The following NDE1 variants were observed in gnomAD, a reference collection of about 807,000 sequenced individuals.
The protein encoded by NDE1 is nudE neurodevelopment protein 1.
A neutral mutation model predicts 43.4 loss-of-function variants in NDE1; 28 were observed. The ratio of observed to expected loss-of-function variants is 0.65; its 90% CI spans 0.48 to 0.89. The LOEUF is 0.89. Among genes scored for constraint, NDE1 ranks in the 40% least tolerant of loss-of-function variants. The pLI is 0.00. For synonymous variants in NDE1, 184 were observed against 172.0 expected, an observed-to-expected ratio of 1.07 and a Z score of -0.55; for missense variants, 441 against 434.1, an observed-to-expected ratio of 1.02 and a Z score of -0.14.
At position 15,689,703 on chromosome 16, in the gene NDE1, G is replaced by T. The variant is rs191558227; in HGVS notation, c.524-1441G>T. Among the ~76,000 whole-genome samples the T allele has an allele frequency of 1.2e-3, 186 of 152,258 alleles. 1 individual carries two copies. The highest frequency in any genetic ancestry group is 3.9e-3 in the South Asian group (19 of 4,826). On this transcript the variant is annotated intron_variant, in intron 5 of 8. Coordinates refer to ENST00000396354, the MANE Select transcript of NDE1 (RefSeq NM_017668.3). Reference sequence around the variant, plus strand: ...GCCTGTATTCCCAGCACTTTGGGAGGCCAAGGTGGGTGGATCACCTGAGGT... The same window carrying T: ...GCCTGTATTCCCAGCACTTTGGGAGTCCAAGGTGGGTGGATCACCTGAGGT...
At chr16:15,676,666 C>T (rs983564117) in intron 3 of NDE1, among the ~76,000 whole-genome samples, 14 of 151,660 alleles carry the variant, frequency 9.2e-5, no homozygotes, top group African/African-American at 2.2e-4. Flanking sequence ...CAACGGACGT[C>T]ATTATGATTT....
rs556129960 is a variant in NDE1, at chr16:15,657,658, G to A, written c.-43-7078G>A. 3.3e-5 allele frequency among the ~76,000 whole-genome samples: 5 copies of A among 152,242 alleles called. No homozygotes were observed. The East Asian group carries it at 9.7e-4, about 29-fold the overall frequency. On this transcript the variant is annotated intron_variant, in intron 1 of 8. Coordinates refer to ENST00000396354, the MANE Select transcript of NDE1 (RefSeq NM_017668.3). ...CCAGGCTGGGAGGCTGGAATGCAGT[G>A]ATCTTGGCTCACTGCAGCCTCCGCT...
Position 15,721,370 on chromosome 16 carries a change from A to G in NDE1, c.948-2821A>G, listed in dbSNP as rs373866314. 6.5e-5 allele frequency: 103 copies of G among 1,576,900 alleles called. No homozygotes were observed. The African/African-American group carries it at 1.3e-3, about 20-fold the overall frequency. The stretch of plus-strand genomic sequence containing the variant: ...CCTCGCATGGACTGGTGAATAGCAC[A>G]GAGGGTGGGCAGGCGAAACATGGAC... On this transcript the variant is annotated intron_variant, in intron 8 of 8. Transcript: ENST00000396354.
chr16:15,657,777 T>G (rs1018969781), intron 1 of NDE1, among the ~76,000 whole-genome samples: 1 of 151,956 alleles, frequency 6.6e-6, no homozygotes. Flanking sequence ...TGTTTTTGTT[T>G]TTTTAGTAGA....
intron 3 of NDE1, among the ~76,000 whole-genome samples, chr16:15,668,056 T>A (rs2037407338): frequency 6.6e-6 from 1 of 151,698 alleles, no homozygotes. Context: ...CCTGGACGTC[T>A]CAGGTTTAAG....
chr16:15,712,132 GGA>G (rs1322524338), intron 8 of NDE1, among the ~76,000 whole-genome samples: 1 of 152,208 alleles, frequency 6.6e-6, no homozygotes, highest in African/African-American at 2.4e-5. Flanking sequence ...CTGCTGAGCT[GGA>G]GAGAGGAGCC....
chr16:15,653,006 T>C (rs1044279444), intron 1 of NDE1, among the ~76,000 whole-genome samples: 4 of 152,138 alleles, frequency 2.6e-5, no homozygotes, highest in African/African-American at 9.7e-5. Flanking sequence ...TTACTGTATA[T>C]ATGTGTATGT....
At chr16:15,681,769 G>C (rs2151083995) in intron 4 of NDE1, among the ~76,000 whole-genome samples, 1 of 152,286 alleles carries the variant, frequency 6.6e-6, no homozygotes, top group Admixed American at 6.5e-5. Flanking sequence ...CTGGAGTGCA[G>C]GTGCAGGATC....
chr16:15,684,210 A>C (rs928732785), intron 4 of NDE1: 2 of 152,054 alleles, frequency 1.3e-5, no homozygotes, highest in Non-Finnish European at 2.9e-5. Flanking sequence ...CAGCCTGGGC[A>C]ACAGAGTGAG....
rs752996609 is a variant in NDE1 at position 15,718,341 on chromosome 16, C to T, written c.948-5850C>T. On this transcript the variant is annotated intron_variant, in intron 8 of 8. Transcript: ENST00000396354. ...TGCTGTGTGGCTTTGCGGACCCGGT[C>T]GCTCATGGCCTCCATGTTGCCCTGC... 4.4e-5 allele frequency: 70 copies of T among 1,608,918 alleles called. No individual in the cohort carries two copies. In the African/African-American group the frequency reaches 5.1e-4, roughly 12 times the overall value.
intron 8 of NDE1, chr16:15,703,741 A>G: frequency 3.9e-6 from 2 of 516,508 alleles, no homozygotes; most frequent in Non-Finnish European, 3.5e-6. Context: ...GGTGTGTACC[A>G]CCACGCCCAG....
intron 6 of NDE1, 71 bp downstream of exon 6, chr16:15,691,394 C>T: frequency 6.5e-7 from 1 of 1,527,100 alleles, no homozygotes; most frequent in Non-Finnish European, 8.9e-7. Context: ...TGGGGTGGGT[C>T]CTGGGGGTGT....
intron 3 of NDE1, among the ~76,000 whole-genome samples, chr16:15,673,570 T>C (rs1177428918): frequency 1.3e-5 from 2 of 151,584 alleles, no homozygotes; most frequent in African/African-American, 4.9e-5. Flanking sequence ...TTTTAAGCGT[T>C]GGCCTGGGCT....
chr16:15,718,543 G>C (rs2040295232), intron 8 of NDE1: 2 of 1,444,636 alleles, frequency 1.4e-6, no homozygotes, highest in East Asian at 5.0e-5. Flanking sequence ...TCATCTAATG[G>C]GTGAAACTGA....
intron 8 of NDE1, chr16:15,720,974 C>G: frequency 6.2e-7 from 1 of 1,614,164 alleles, no homozygotes; most frequent in African/African-American, 1.3e-5. Context: ...GCAGCTCGTC[C>G]TCCAGCTCTT....
At chr16:15,650,048 C>A (rs529387592), upstream of NDE1, among the ~76,000 whole-genome samples, 82 of 152,280 alleles carry the variant, frequency 5.4e-4, no homozygotes, top group African/African-American at 2.0e-3. Context: ...CGGCGCCTCT[C>A]AAACCCCCTC....
chr16:15,643,579 T>A, exon 1 of NDE1: 1 of 313,094 alleles, frequency 3.2e-6, no homozygotes, highest in Non-Finnish European at 6.1e-6. Flanking sequence ...GCTTTTTTTT[T>A]TTCCTCTCTC....
chr16:15,721,231 C>T lies in NDE1; in HGVS notation c.948-2960C>T, dbSNP rs1043788184. On this transcript the variant is annotated intron_variant, in intron 8 of 8. Transcript: ENST00000396354. ...GACCCCAGCCTTATCCTCGGACCCC[C>T]CAACTCAGACCCATCCTCGACTGCC... is the stretch of plus-strand genomic sequence containing the variant. The T allele has an allele frequency of 7.6e-6, 7 of 927,056 alleles. No individual in the cohort carries two copies. In the African/African-American group the frequency reaches 1.1e-4, roughly 15 times the overall value. 57.4% of individuals were successfully genotyped at this position (927,056 alleles called of 1,614,324 possible).
chr16:15,714,993 C>T lies in NDE1; in HGVS notation c.948-9198C>T, dbSNP rs2151192042. The T allele has an allele frequency of 6.2e-7, 1 of 1,614,060 alleles. No homozygotes were observed. Among genetic ancestry groups the T allele is most frequent in the East Asian group, 2.2e-5 (1 of 44,876 alleles). The stretch of plus-strand genomic sequence containing the variant: ...CTCATCCAGCTCCCGCTGCAGCTTC[C>T]TGCGGTTGGCGTTGATGCGCTGGGA... On this transcript the variant is annotated intron_variant, in intron 8 of 8. Transcript: ENST00000396354.
Sources: allele counts gnomAD v4.1 joint callset (sites outside exome capture counted in the v4.1 genomes callset), GRCh38; gene constraint gnomAD v4.1.1; transcripts MANE v1.5; gene names NCBI Gene and HGNC (gene_info 2026-07-23, HGNC 2026-07-21).